The following CSMD1 variants were observed in gnomAD, a reference collection of about 807,000 sequenced individuals.
The protein encoded by CSMD1 is CUB and Sushi multiple domains 1, also known as CUB and sushi domain-containing protein 1.
A neutral mutation model predicts 417.5 loss-of-function variants in CSMD1; 213 were observed. The ratio of observed to expected loss-of-function variants is 0.51; its 90% CI spans 0.46 to 0.57. The LOEUF is 0.57. Ranked by LOEUF, CSMD1 falls within the 20% of genes least tolerant of loss-of-function variation. The pLI is 0.00. For synonymous variants in CSMD1, 2,862 were observed against 1,736.8 expected (o/e 1.65, Z -16.11); for missense variants, 6,923 against 4,529.7 (o/e 1.53, Z -15.17).
At chr8:4,335,813 C>A (rs1800131435) in intron 3 of CSMD1, among the ~76,000 whole-genome samples, 1 of 151,948 alleles carries the variant, frequency 6.6e-6, no homozygotes, top group Non-Finnish European at 1.5e-5. Flanking sequence ...ATGGAAGATA[C>A]AACATTACTC....
At chr8:3,152,689 G>A (rs990253418) in intron 39 of CSMD1, among the ~76,000 whole-genome samples, 1 of 152,182 alleles carries the variant, frequency 6.6e-6, no homozygotes, top group Non-Finnish European at 1.5e-5. Context: ...TTTTTGTGGT[G>A]TGAGTCATAA....
At chr8:3,454,144 T>G (rs7010325) in intron 12 of CSMD1, among the ~76,000 whole-genome samples, 5 of 152,158 alleles carry the variant, frequency 3.3e-5, no homozygotes, top group Non-Finnish European at 7.3e-5. Flanking sequence ...CCCCTGCCTT[T>G]TTTTGTTTTC....
chr8:3,440,573 A>C (rs1259366584), intron 12 of CSMD1, among the ~76,000 whole-genome samples: 1 of 152,152 alleles, frequency 6.6e-6, no homozygotes, highest in African/African-American at 2.4e-5. Flanking sequence ...TTCTATCTAG[A>C]CGATCACGTT....
intron 1 of CSMD1, among the ~76,000 whole-genome samples, chr8:4,907,611 G>A (rs947304681): frequency 4.6e-5 from 7 of 152,092 alleles, no homozygotes; most frequent in Admixed American, 2.6e-4. Context: ...CCAAGCTGAA[G>A]TGCAGTGGCA....
chr8:4,820,372 A>AT (rs1258963267), intron 1 of CSMD1, among the ~76,000 whole-genome samples: 7 of 152,172 alleles, frequency 4.6e-5, no homozygotes, highest in Admixed American at 2.0e-4. Context: ...CACTTCTATG[A>AT]TTTTTAAGCA....
chr8:3,418,095 C>T (rs543565240), intron 12 of CSMD1, among the ~76,000 whole-genome samples: 1 of 152,252 alleles, frequency 6.6e-6, no homozygotes, highest in Admixed American at 6.5e-5. Context: ...ACATGAAATA[C>T]CATGTTTGCT....
intron 26 of CSMD1, among the ~76,000 whole-genome samples, chr8:3,266,604 C>CAAAAAAAAA (rs60439183): frequency 7.8e-5 from 2 of 25,508 alleles, no homozygotes; most frequent in Non-Finnish European, 1.3e-4. Context: ...GACTCCCTCT[C>CAAAAAAAAA]AAAAAAAAAA....
At chr8:3,995,118 A>C (rs1019766290) in intron 5 of CSMD1, among the ~76,000 whole-genome samples, 1 of 152,242 alleles carries the variant, frequency 6.6e-6, no homozygotes, top group Non-Finnish European at 1.5e-5. Flanking sequence ...CTGTAGAATT[A>C]CTGTAAAATA....
intron 2 of CSMD1, among the ~76,000 whole-genome samples, chr8:4,445,441 C>T (rs1028988522): frequency 2.6e-5 from 4 of 152,162 alleles, no homozygotes; most frequent in South Asian, 2.1e-4. Context: ...AATCGTCTTT[C>T]AAAATTTATA....
chr8:3,426,993 G>C (rs1034710047), intron 12 of CSMD1, among the ~76,000 whole-genome samples: 7 of 152,144 alleles, frequency 4.6e-5, no homozygotes, highest in African/African-American at 1.2e-4. Context: ...GCGGCATGAA[G>C]GAGAGGAATG....
intron 2 of CSMD1, among the ~76,000 whole-genome samples, chr8:4,498,730 A>G (rs972208788): frequency 1.5e-4 from 23 of 152,324 alleles, no homozygotes; most frequent in African/African-American, 4.1e-4. Context: ...GAATGCATCA[A>G]CTGTAATCTC....
At chr8:4,111,919 C>G (rs1366421513) in intron 3 of CSMD1, among the ~76,000 whole-genome samples, 3 of 152,090 alleles carry the variant, frequency 2.0e-5, no homozygotes, top group Non-Finnish European at 4.4e-5. Context: ...TACCCCAGAA[C>G]TTAAAATAAA....
intron 5 of CSMD1, among the ~76,000 whole-genome samples, chr8:3,802,454 T>C (rs557615711): frequency 6.6e-6 from 1 of 152,186 alleles, no homozygotes; most frequent in Middle Eastern, 3.2e-3. Flanking sequence ...ATTAAATTTG[T>C]CAGCCTGATA....
At chr8:3,950,062 G>A (rs1177771605) in intron 5 of CSMD1, 1 of 447,380 alleles carries the variant, frequency 2.2e-6, no homozygotes, top group African/African-American at 2.0e-5. Context: ...ACAGGACTGA[G>A]TTGCCAGAAA....
At chr8:3,849,617 C>T (rs1483819732) in intron 5 of CSMD1, among the ~76,000 whole-genome samples, 1 of 152,138 alleles carries the variant, frequency 6.6e-6, no homozygotes, top group Non-Finnish European at 1.5e-5. Flanking sequence ...CTGGGCCTGT[C>T]TGCTGGAGCC....
chr8:3,467,518 T>A (rs1231491365), intron 12 of CSMD1, among the ~76,000 whole-genome samples: 2 of 152,226 alleles, frequency 1.3e-5, no homozygotes, highest in Non-Finnish European at 2.9e-5. Context: ...TTTTAGTCAT[T>A]GAAAGGGATG....
At chr8:4,644,446 C>A (rs1803389595) in intron 1 of CSMD1, among the ~76,000 whole-genome samples, 1 of 152,062 alleles carries the variant, frequency 6.6e-6, no homozygotes, top group South Asian at 2.1e-4. Flanking sequence ...CTCTCTCTGT[C>A]ACCAGGCTAG....
At chr8:2,950,486 G>A (rs1026347500) in intron 66 of CSMD1, 143 bp from the exon 67 acceptor site, 4 of 602,474 alleles carry the variant, frequency 6.6e-6, no homozygotes, top group Non-Finnish European at 1.2e-5. Flanking sequence ...TTTTATTTGT[G>A]AATTTTAGCT....
At chr8:4,017,995 G>C (rs948796719) in intron 4 of CSMD1, among the ~76,000 whole-genome samples, 4 of 152,126 alleles carry the variant, frequency 2.6e-5, no homozygotes, top group African/African-American at 9.7e-5. Context: ...TTGATTAATT[G>C]CTTCATGAGT....
Sources: gnomAD v4.1 joint callset for allele counts (sites outside exome capture counted in the v4.1 genomes callset) on GRCh38, gnomAD v4.1.1 for gene constraint, MANE v1.5 for transcripts, NCBI Gene and HGNC (gene_info 2026-07-23, HGNC 2026-07-21) for gene names.